MFAP3L: variants seen among roughly 807,000 people sequenced by gnomAD.
The protein encoded by MFAP3L is microfibrillar-associated protein 3-like.
Under a neutral mutation model 20.0 loss-of-function variants are expected in MFAP3L, and 5 were observed. The ratio of observed to expected loss-of-function variants is 0.25; its 90% CI spans 0.13 to 0.53. The LOEUF (loss-of-function observed/expected upper bound fraction) is 0.53. Ranked by LOEUF, MFAP3L falls within the 20% of genes least tolerant of loss-of-function variation. The pLI is 0.96. For synonymous variants in MFAP3L, 219 were observed against 213.0 expected (o/e 1.03, Z -0.25); for missense variants, 409 against 527.5 (o/e 0.78, Z 2.20).
chr4:169,997,415 G>A (rs918831627), intron 2 of MFAP3L, among the ~76,000 whole-genome samples: 3 of 152,088 alleles, frequency 2.0e-5, no homozygotes, highest in Admixed American at 2.0e-4. Context: ...ATTCTAGAAT[G>A]TTTGACAAAT....
intron 2 of MFAP3L, among the ~76,000 whole-genome samples, chr4:170,004,712 G>A (rs1738915916): frequency 1.3e-5 from 2 of 152,136 alleles, no homozygotes; most frequent in Non-Finnish European, 2.9e-5. Flanking sequence ...TTTGGGGATT[G>A]CTCATTGGTT....
intron 1 of MFAP3L, among the ~76,000 whole-genome samples, chr4:170,021,360 AT>A (rs1740025314): frequency 6.6e-6 from 1 of 152,188 alleles, no homozygotes; most frequent in Non-Finnish European, 1.5e-5. Context: ...CCCTATTAAG[AT>A]TTAAGAGCGA....
chr4:170,010,747 C>T (rs570163528), intron 1 of MFAP3L, among the ~76,000 whole-genome samples: 9 of 150,082 alleles, frequency 6.0e-5, no homozygotes, highest in East Asian at 1.9e-4. Flanking sequence ...GGTCAACAAC[C>T]GGCTATTAGT....
rs1383993265 is a variant in MFAP3L at position 169,990,289 on chromosome 4, A to T, written c.*1089T>A. 1 of 152,214 alleles carries T rather than the reference A, an allele frequency of 6.6e-6. No homozygotes were observed. Among genetic ancestry groups the T allele is most frequent in the Non-Finnish European group, 1.5e-5 (1 of 68,038 alleles). The allele number at this position is 152,214 out of a possible 1,614,324, so 9.4% of individuals were successfully genotyped here. On this transcript the variant is annotated 3_prime_UTR_variant, in exon 3 of 3. Transcript: ENST00000361618. ...TGATGGCACAGTTCCCTTTGCTATTACCCTAACCTTTCGCTTTCCTCTTTA... is the reference window on the plus strand; with the variant it reads ...TGATGGCACAGTTCCCTTTGCTATTTCCCTAACCTTTCGCTTTCCTCTTTA...
chr4:169,991,507 C>G lies in MFAP3L; in HGVS notation c.1101G>C (p.Glu367Asp). 2.5e-6 allele frequency: 4 copies of G among 1,614,156 alleles called. No individual in the cohort carries two copies. The highest frequency in any genetic ancestry group is 3.4e-6 in the Non-Finnish European group (4 of 1,180,040). Residue 367 changes from glutamate to aspartate, a missense_variant, in exon 3 of 3, where the codon GAG becomes GAC. Glu to Asp is a conservative substitution (Grantham distance 45). Coordinates refer to ENST00000361618, the MANE Select transcript of MFAP3L (RefSeq NM_021647.8). The surrounding 1 kb of genome is among the most constrained non-coding windows in gnomAD (Gnocchi z 4.9). ...AEPSTDVTST[E>D]LTSEEPTPVE... ...CAGGTGTTGGCTCTTCAGATGTTAG[C>G]TCGGTGGACGTGACATCGGTAGAAG...
Position 169,991,940 on chromosome 4 carries a change from G to A in MFAP3L, c.668C>T (p.Thr223Ile). 1 of 1,614,190 alleles carries A rather than the reference G, an allele frequency of 6.2e-7. No homozygotes were observed. The highest frequency in any genetic ancestry group is 8.5e-7 in the Non-Finnish European group (1 of 1,180,044). The change falls in exon 3 of 3, where the codon ACC becomes ATC. Residue 223 changes from threonine (T) to isoleucine (I), a missense_variant. Physicochemically the swap from Thr to Ile is moderately conservative, Grantham distance 89. Around this residue, in one of 3 missense-constraint regions of MFAP3L, gnomAD observed 127 missense variants for 218.1 expected, o/e 0.58. Transcript: ENST00000361618. The surrounding 1 kb of genome is among the most constrained non-coding windows in gnomAD (Gnocchi z 4.9). ...GGCGAACTCCATGGTTTTGAACTGGGTGACTTTGGCAAGCTCTAGAGTTTT... is the reference window on the plus strand; with the variant it reads ...GGCGAACTCCATGGTTTTGAACTGGATGACTTTGGCAAGCTCTAGAGTTTT... ...SAKTLELAKV[T>I]QFKTMEFARY...
At chr4:170,010,897 G>A (rs1347017862) in intron 1 of MFAP3L, among the ~76,000 whole-genome samples, 1 of 152,048 alleles carries the variant, frequency 6.6e-6, no homozygotes, top group African/African-American at 2.4e-5. Flanking sequence ...TATAAACTAT[G>A]GTGATATGGT....
chr4:170,025,413 T>C (rs904933328), intron 1 of MFAP3L, among the ~76,000 whole-genome samples: 22 of 152,332 alleles, frequency 1.4e-4, no homozygotes, highest in Non-Finnish European at 3.1e-4. Context: ...TAACCAAACT[T>C]TTCTGCTAAG....
chr4:170,010,580 T>C (rs1739312784), intron 1 of MFAP3L, among the ~76,000 whole-genome samples: 2 of 152,228 alleles, frequency 1.3e-5, no homozygotes, highest in Admixed American at 6.5e-5. Context: ...GATGATCCAC[T>C]TCCCCTTAGT....
In MFAP3L at chr4:170,007,916, TC is replaced by T. The variant is rs549631255; in HGVS notation, c.-133-1907del. Among the ~76,000 whole-genome samples the T allele has an allele frequency of 1.0e-3, 157 of 152,000 alleles. 1 individual carries two copies. Among genetic ancestry groups the T allele is most frequent in the Non-Finnish European group, 1.8e-3 (121 of 67,976 alleles). ...AAATATGGGTGGTAAATATAACTTT[TC>T]CCCCCAGTTAAAGAAAATGCCACAA... On this transcript the variant is annotated intron_variant, in intron 1 of 2. Coordinates refer to ENST00000361618, the MANE Select transcript of MFAP3L (RefSeq NM_021647.8).
chr4:169,994,761 T>C (rs1738011817), intron 2 of MFAP3L, among the ~76,000 whole-genome samples: 1 of 152,244 alleles, frequency 6.6e-6, no homozygotes, highest in African/African-American at 2.4e-5. Flanking sequence ...GTCTAACAGA[T>C]AAATTATTAC....
chr4:169,998,961 A>G (rs1366653986), intron 2 of MFAP3L, among the ~76,000 whole-genome samples: 4 of 152,254 alleles, frequency 2.6e-5, no homozygotes, highest in East Asian at 3.8e-4. Flanking sequence ...AAATGCGTGC[A>G]TATGTGTTTG....
At chr4:170,002,797 G>A (rs944028474) in intron 2 of MFAP3L, among the ~76,000 whole-genome samples, 2 of 151,312 alleles carry the variant, frequency 1.3e-5, no homozygotes, top group Admixed American at 6.6e-5. Flanking sequence ...CATGAGCCAC[G>A]CGCTTGGCCT....
Position 169,991,372 on chromosome 4 carries a change from T to C in MFAP3L, c.*6A>G, listed in dbSNP as rs757135434. On this transcript the variant is annotated 3_prime_UTR_variant, in exon 3 of 3. Coordinates refer to ENST00000361618, the MANE Select transcript of MFAP3L (RefSeq NM_021647.8). This position sits in a 1 kb window ranked among gnomAD's most constrained non-coding sequence, Gnocchi z 4.9. Reference sequence around the variant, plus strand: ...TCTTGATATGCATAGCTTTTCGGGGTTGGTATTAGACATGGCTTTCGTAAA... The same window carrying C: ...TCTTGATATGCATAGCTTTTCGGGGCTGGTATTAGACATGGCTTTCGTAAA... 11 of 1,607,348 alleles carry C rather than the reference T, an allele frequency of 6.8e-6. No individual in the cohort carries two copies. In the Admixed American group the frequency reaches 1.5e-4, roughly 22 times the overall value.
rs1560958108 is a variant in MFAP3L at position 169,989,873 on chromosome 4, A to G, written c.*1505T>C. On this transcript the variant is annotated 3_prime_UTR_variant, in exon 3 of 3. Transcript: ENST00000361618. ...ATGTGGTCCTAATGGTTTTTTTGGA[A>G]GGAGAAGATCCACAATTTGTTTAAA... 1 of 152,224 alleles carries G rather than the reference A, an allele frequency of 6.6e-6. No homozygotes were observed. Among genetic ancestry groups the G allele is most frequent in the Non-Finnish European group, 1.5e-5 (1 of 68,044 alleles). 9.4% of individuals were successfully genotyped at this position (152,224 alleles called of 1,614,324 possible).
intron 2 of MFAP3L, chr4:169,994,271 T>C (rs1737964732): frequency 3.0e-6 from 3 of 985,356 alleles, no homozygotes. Flanking sequence ...GTGTGAAGAA[T>C]GGTTAGGATC....
At chr4:170,003,207 TAA>T (rs932649024) in intron 2 of MFAP3L, among the ~76,000 whole-genome samples, 2 of 152,224 alleles carry the variant, frequency 1.3e-5, no homozygotes, top group Non-Finnish European at 2.9e-5. Context: ...TTGAAAGTTT[TAA>T]AGAGATTTAA....
intron 2 of MFAP3L, 53 bp downstream of exon 2, chr4:170,005,527 C>T: frequency 6.4e-7 from 1 of 1,568,490 alleles, no homozygotes; most frequent in Non-Finnish European, 8.7e-7. Flanking sequence ...GTGCTGGCTC[C>T]AAAGCTCCTG....
At chr4:170,026,586 G>A (rs1487731602), upstream of MFAP3L, among the ~76,000 whole-genome samples, 3 of 151,792 alleles carry the variant, frequency 2.0e-5, no homozygotes, top group Non-Finnish European at 3.0e-5. Flanking sequence ...CCGCGGAGGA[G>A]CCACCGGAGG....
Sources: allele counts gnomAD v4.1 joint callset (sites outside exome capture counted in the v4.1 genomes callset), GRCh38; gene constraint gnomAD v4.1.1; regional missense constraint gnomAD v4.1.1; non-coding constraint Gnocchi (gnomAD v3.1); transcripts MANE v1.5; gene names NCBI Gene and HGNC (gene_info 2026-07-23, HGNC 2026-07-21).